PLCB4: variants seen among roughly 807,000 people sequenced by gnomAD.
PLCB4 encodes the protein phospholipase C beta 4, also known as 1-phosphatidylinositol 4,5-bisphosphate phosphodiesterase beta-4.
Under a neutral mutation model 178.8 loss-of-function variants are expected in PLCB4, and 77 were observed. That is an observed-to-expected ratio of 0.43 (90% CI 0.36 to 0.52). PLCB4 has a LOEUF of 0.52. PLCB4 is among the 20% of genes least tolerant of loss of function. PLCB4 has a pLI of 0.00. For synonymous variants in PLCB4, 496 were observed against 490.8 expected (o/e 1.01, Z -0.14); for missense variants, 1,024 against 1,453.4 (o/e 0.70, Z 4.80).
intron 2 of PLCB4, among the ~76,000 whole-genome samples, chr20:9,165,857 A>G (rs1176137703): frequency 6.7e-6 from 1 of 150,370 alleles, no homozygotes; most frequent in East Asian, 2.0e-4. Flanking sequence ...TTGATGTAGA[A>G]TTAAAATCCT....
chr20:9,118,782 G>A lies in PLCB4; in HGVS notation c.-79+22440G>A, dbSNP rs1600531764. ...AGTAATGAAAATCCAAGTCAAATTA[G>A]GAGTAAAATCAAGATCCCATAAAAA... On this transcript the variant is annotated intron_variant, in intron 2 of 39. Transcript: ENST00000378473. Among the ~76,000 whole-genome samples the A allele has an allele frequency of 5.3e-5, 8 of 152,254 alleles. 1 individual carries two copies.
At chr20:9,188,178 A>G (rs748978371) in intron 2 of PLCB4, among the ~76,000 whole-genome samples, 2 of 152,242 alleles carry the variant, frequency 1.3e-5, no homozygotes, top group Non-Finnish European at 2.9e-5. Context: ...CCAGATGGTA[A>G]TGTGTGATGC....
chr20:9,319,903 A>T (rs1380728637), intron 4 of PLCB4, among the ~76,000 whole-genome samples: 1 of 152,186 alleles, frequency 6.6e-6, no homozygotes, highest in East Asian at 1.9e-4. Flanking sequence ...TTTAGCACAG[A>T]CAGTAGTAAA....
intron 26 of PLCB4, among the ~76,000 whole-genome samples, chr20:9,420,480 C>T (rs1212969520): frequency 1.3e-5 from 2 of 151,918 alleles, no homozygotes; most frequent in Non-Finnish European, 2.9e-5. Flanking sequence ...AGGTGCCCAC[C>T]GCCACACCTG....
chr20:9,465,854 A>C (rs2122557319), intron 35 of PLCB4, among the ~76,000 whole-genome samples: 1 of 152,292 alleles, frequency 6.6e-6, no homozygotes, highest in African/African-American at 2.4e-5. Flanking sequence ...AAATGCCCAT[A>C]CTGCCCAAGG....
intron 3 of PLCB4, among the ~76,000 whole-genome samples, chr20:9,266,247 T>G (rs2094347802): frequency 6.6e-6 from 1 of 152,206 alleles, no homozygotes; most frequent in Admixed American, 6.5e-5. Flanking sequence ...AATGAGAATC[T>G]GCTTTTTTTT....
intron 36 of PLCB4, among the ~76,000 whole-genome samples, chr20:9,470,110 C>G (rs2044082282): frequency 2.0e-5 from 3 of 152,102 alleles, no homozygotes; most frequent in African/African-American, 7.2e-5. Flanking sequence ...GGGCAGATTA[C>G]CTGAGGTCAG....
chr20:9,123,432 T>TA (rs200330838), intron 2 of PLCB4, among the ~76,000 whole-genome samples: 2,108 of 151,242 alleles, frequency 0.014, 40 homozygotes, highest in African/African-American at 0.046. Context: ...TTTTTTTTTT[T>TA]TATATATATT....
intron 3 of PLCB4, among the ~76,000 whole-genome samples, chr20:9,225,749 T>C (rs910493303): frequency 2.0e-5 from 3 of 152,240 alleles, no homozygotes; most frequent in Admixed American, 1.3e-4. Flanking sequence ...GTTTGCTTTG[T>C]TTTATCTGCT....
chr20:9,253,831 C>T (rs1259243661), intron 3 of PLCB4, among the ~76,000 whole-genome samples: 4 of 152,166 alleles, frequency 2.6e-5, no homozygotes, highest in Non-Finnish European at 4.4e-5. Context: ...TGCAAATTTA[C>T]GTGCCTCTAT....
intron 7 of PLCB4, among the ~76,000 whole-genome samples, chr20:9,341,099 C>T (rs79788289): frequency 0.021 from 3,272 of 152,266 alleles, 129 homozygotes; most frequent in African/African-American, 0.074. Flanking sequence ...CCACTTTGCT[C>T]TGTGCCCTGA....
At chr20:9,364,915 C>T (rs538085403) in intron 8 of PLCB4, among the ~76,000 whole-genome samples, 60 of 152,272 alleles carry the variant, frequency 3.9e-4, no homozygotes, top group Non-Finnish European at 6.6e-4. Flanking sequence ...ATTAAGGAGG[C>T]GCCCATGTGA....
chr20:9,194,840 A>G (rs2147157221), intron 2 of PLCB4, among the ~76,000 whole-genome samples: 1 of 152,218 alleles, frequency 6.6e-6, no homozygotes, highest in South Asian at 2.1e-4. Flanking sequence ...CTTGCTAATT[A>G]TGAGAAGACA....
chr20:9,112,325 G>A (rs942964129), intron 2 of PLCB4, among the ~76,000 whole-genome samples: 1 of 149,744 alleles, frequency 6.7e-6, no homozygotes, highest in Admixed American at 6.7e-5. Context: ...GATGATCTCA[G>A]CTCACTGCAA....
chr20:9,179,032 T>TA (rs1376299769), intron 2 of PLCB4, among the ~76,000 whole-genome samples: 1 of 152,190 alleles, frequency 6.6e-6, no homozygotes, highest in East Asian at 1.9e-4. Flanking sequence ...GAACTTATGA[T>TA]AAAAAATGAA....
At chr20:9,446,297 G>C (rs1249948593) in intron 32 of PLCB4, among the ~76,000 whole-genome samples, 1 of 152,196 alleles carries the variant, frequency 6.6e-6, no homozygotes, top group Non-Finnish European at 1.5e-5. Context: ...CTCCTGTGTA[G>C]GATATGGGAT....
chr20:9,203,408 A>G (rs995850381), intron 2 of PLCB4, among the ~76,000 whole-genome samples: 3 of 152,190 alleles, frequency 2.0e-5, no homozygotes, highest in African/African-American at 7.2e-5. Context: ...GTGACTTACA[A>G]TAAACTAAAA....
At chr20:9,279,936 C>T (rs920813212) in intron 3 of PLCB4, among the ~76,000 whole-genome samples, 6 of 152,034 alleles carry the variant, frequency 3.9e-5, no homozygotes, top group Non-Finnish European at 5.9e-5. Context: ...ACTGTTTAGC[C>T]GTTTGGCTTT....
At chr20:9,187,152 T>C (rs1490234847) in intron 2 of PLCB4, among the ~76,000 whole-genome samples, 1 of 152,012 alleles carries the variant, frequency 6.6e-6, no homozygotes, top group Non-Finnish European at 1.5e-5. Context: ...TATTTTTTTT[T>C]TTAGTAGAGA....
Sources: allele counts gnomAD v4.1 joint callset (sites outside exome capture counted in the v4.1 genomes callset), GRCh38; gene constraint gnomAD v4.1.1; transcripts MANE v1.5; gene names NCBI Gene and HGNC (gene_info 2026-07-23, HGNC 2026-07-21).